INSR: variants seen among roughly 807,000 people sequenced by gnomAD.
INSR encodes IR.
INSR carries 67 observed loss-of-function variants against 142.6 expected under a neutral mutation model. The observed-to-expected ratio is 0.47, with a 90% CI of 0.39 to 0.58. The LOEUF is 0.58. Ranked by LOEUF, INSR falls within the 20% of genes least tolerant of loss-of-function variation. The pLI, the probability that INSR is intolerant of heterozygous loss-of-function variation, is 0.00. For synonymous variants in INSR, 756 were observed against 743.1 expected, an observed-to-expected ratio of 1.02 and a Z score of -0.28; for missense variants, 1,248 against 1,833.2, an observed-to-expected ratio of 0.68 and a Z score of 5.83.
intron 15 of INSR, among the ~76,000 whole-genome samples, chr19:7,128,115 C>T (rs756818110): frequency 2.0e-5 from 3 of 151,938 alleles, no homozygotes; most frequent in South Asian, 2.1e-4. Flanking sequence ...GCATGTGGCA[C>T]AAAATGTTCT....
chr19:7,125,147 G>C lies in INSR; in HGVS notation c.3258+136C>G, dbSNP rs991836525. Reference sequence around the variant, plus strand: ...GGAATGATCCCTCCTCACACCTCTAGGATGGGAAGCTTAGTGGAGTGAGGG... The same window carrying C: ...GGAATGATCCCTCCTCACACCTCTACGATGGGAAGCTTAGTGGAGTGAGGG... On this transcript the variant is annotated intron_variant, in intron 17 of 21. Coordinates refer to ENST00000302850, the MANE Select transcript of INSR (RefSeq NM_000208.4). The surrounding 1 kb of genome is among the most constrained non-coding windows in gnomAD (Gnocchi z 4.9). The C allele has an allele frequency of 9.5e-7, 1 of 1,049,128 alleles. No homozygotes were observed. The highest frequency in any genetic ancestry group is 1.6e-5 in the African/African-American group (1 of 63,976). The allele number at this position is 1,049,128 out of a possible 1,614,324, so 65.0% of individuals were successfully genotyped here.
Position 7,153,362 on chromosome 19 carries a change from ACAC to A in INSR, c.2030-438_2030-436del, listed in dbSNP as rs1568450015. 6.3e-4 allele frequency among the ~76,000 whole-genome samples: 48 copies of A among 76,068 alleles called. 2 individuals are homozygous for A. Among genetic ancestry groups the A allele is most frequent in the Middle Eastern group, 6.8e-3 (1 of 146 alleles). 49.9% of individuals were successfully genotyped at this position (76,068 alleles called of 152,430 possible). Reference sequence around the variant, plus strand: ...CCACACACCACAGACCACACACCACACACCCCACACACACCATACACGCACCAC... The same window carrying A: ...CCACACACCACAGACCACACACCACACCCACACACACCATACACGCACCAC... On this transcript the variant is annotated intron_variant, in intron 9 of 21. Transcript: ENST00000302850.
intron 11 of INSR, among the ~76,000 whole-genome samples, chr19:7,149,936 AGAAGGAAGGAAGGAAGGAAGGAAGGAAG>A (rs71177162): frequency 0.77 from 111,162 of 144,264 alleles, 43,718 homozygotes; most frequent in Non-Finnish European, 0.87. Flanking sequence ...AAAAAAAGAA[AGAAGGAAGGAAGGAAGGAAGGAAGGAAG>A]GAAGGAAGGA....
chr19:7,199,684 G>A (rs1974899194), intron 2 of INSR, among the ~76,000 whole-genome samples: 2 of 150,818 alleles, frequency 1.3e-5, no homozygotes, highest in Admixed American at 1.3e-4. Flanking sequence ...CAGGCGTGAG[G>A]AACCCAGCCT....
At chr19:7,134,079 T>C (rs1163782890) in intron 13 of INSR, among the ~76,000 whole-genome samples, 1 of 151,660 alleles carries the variant, frequency 6.6e-6, no homozygotes, top group African/African-American at 2.4e-5. Context: ...CTTGGGAGGC[T>C]GAGGCAGGAG....
At chr19:7,245,074 T>C (rs1190848772) in intron 2 of INSR, among the ~76,000 whole-genome samples, 1 of 151,754 alleles carries the variant, frequency 6.6e-6, no homozygotes, top group Non-Finnish European at 1.5e-5. Flanking sequence ...TAGCTGGGAC[T>C]ACAGGTGCCC....
intron 2 of INSR, among the ~76,000 whole-genome samples, chr19:7,197,734 GTGAT>G (rs1426763370): frequency 7.1e-6 from 1 of 140,360 alleles, no homozygotes; most frequent in Admixed American, 7.1e-5. Context: ...GTGTGTGTGT[GTGAT>G]TGGCAGGTTC....
Position 7,255,166 on chromosome 19 carries a change from G to A in INSR, c.652+12179C>T, listed in dbSNP as rs75843747. 2.5e-3 allele frequency among the ~76,000 whole-genome samples: 387 copies of A among 152,244 alleles called. 1 individual carries two copies. The highest frequency in any genetic ancestry group is 8.8e-3 in the African/African-American group (367 of 41,554). On this transcript the variant is annotated intron_variant, in intron 2 of 21. Transcript: ENST00000302850. ...GTCAACTGGTCTACCATCTTTCAGC[G>A]CAGCCTTGAACCCACCAAAACACTT... is the stretch of plus-strand genomic sequence containing the variant.
At chr19:7,151,162 C>CTCTTTCCTTTCTTTTCTT (rs1973337108) in intron 10 of INSR, among the ~76,000 whole-genome samples, 7 of 45,850 alleles carry the variant, frequency 1.5e-4, no homozygotes, top group Non-Finnish European at 3.8e-4. Flanking sequence ...TTCTTTCTTT[C>CTCTTTCCTTTCTTTTCTT]TCTTTCTTTC....
chr19:7,171,509 T>G (rs1004878155), intron 5 of INSR, among the ~76,000 whole-genome samples: 3 of 152,126 alleles, frequency 2.0e-5, no homozygotes, highest in African/African-American at 7.2e-5. Context: ...CTAGCTAGTT[T>G]GAGTTTCTGC....
At chr19:7,246,434 C>T (rs748752141) in intron 2 of INSR, among the ~76,000 whole-genome samples, 1 of 152,148 alleles carries the variant, frequency 6.6e-6, no homozygotes, top group South Asian at 2.1e-4. Context: ...AACCACCAGA[C>T]ATGTGAGTGA....
At chr19:7,239,519 C>A (rs1976273380) in intron 2 of INSR, among the ~76,000 whole-genome samples, 2 of 152,084 alleles carry the variant, frequency 1.3e-5, no homozygotes, top group African/African-American at 2.4e-5. Flanking sequence ...TCACAGCCAC[C>A]TTGGAGACCA....
chr19:7,166,338 T>C lies in INSR; in HGVS notation c.1677A>G (p.Val559=), dbSNP rs77792535. Residue 559 remains valine (V), a synonymous_variant, in exon 8 of 22, where the codon GTA becomes GTG. Transcript: ENST00000302850. This position sits in a 1 kb window ranked among gnomAD's most constrained non-coding sequence, Gnocchi z 4.1. ...TGGACCTCAGGGGTGGGTCAATGTC[T>C]ACCACCGTCCAACTGTTGGAACCAC... ...DACGSNSWTV[V]DIDPPLRSND... The C allele has an allele frequency of 1.9e-6, 3 of 1,614,084 alleles. No individual in the cohort carries two copies. The highest frequency in any genetic ancestry group is 1.3e-5 in the African/African-American group (1 of 75,012).
chr19:7,267,682 G>A lies in INSR; in HGVS notation c.315C>T (p.Asn105=). ...GTCGTGATCCCCGGATGACCGTGAG[G>A]TTGGGGAACAGGTCCTTCAGGCTCT... ...GLESLKDLFP[N]LTVIRGSRLF... is the part of the protein sequence containing the mutation. The change falls in exon 2 of 22, where the codon AAC becomes AAT. Residue 105 remains asparagine (N), a synonymous_variant. Coordinates refer to ENST00000302850, the MANE Select transcript of INSR (RefSeq NM_000208.4). This position sits in a 1 kb window ranked among gnomAD's most constrained non-coding sequence, Gnocchi z 6.3. The A allele has an allele frequency of 1.9e-6, 3 of 1,614,122 alleles. No individual in the cohort carries two copies. Among genetic ancestry groups the A allele is most frequent in the Non-Finnish European group, 2.5e-6 (3 of 1,180,020 alleles).
chr19:7,240,879 C>T (rs1976318748), intron 2 of INSR, among the ~76,000 whole-genome samples: 1 of 152,156 alleles, frequency 6.6e-6, no homozygotes, highest in African/African-American at 2.4e-5. Flanking sequence ...GTTTAGACCT[C>T]GTTCTCAGCC....
At chr19:7,206,931 G>C (rs752339618) in intron 2 of INSR, among the ~76,000 whole-genome samples, 2 of 152,068 alleles carry the variant, frequency 1.3e-5, no homozygotes, top group Non-Finnish European at 2.9e-5. Context: ...CACAGTAACA[G>C]AACACTCAAG....
chr19:7,290,134 G>T (rs770706621), intron 1 of INSR, among the ~76,000 whole-genome samples: 1 of 152,194 alleles, frequency 6.6e-6, no homozygotes, highest in Admixed American at 6.5e-5. Context: ...GCCAGACACC[G>T]TGGCTCATGC....
At chr19:7,197,007 C>A (rs973790810) in intron 2 of INSR, among the ~76,000 whole-genome samples, 1 of 152,162 alleles carries the variant, frequency 6.6e-6, no homozygotes, top group Non-Finnish European at 1.5e-5. Flanking sequence ...AGGTTCGAGT[C>A]CCCGGAGCCA....
chr19:7,282,173 T>C (rs2145239126), intron 1 of INSR, among the ~76,000 whole-genome samples: 1 of 152,100 alleles, frequency 6.6e-6, no homozygotes, highest in Admixed American at 6.6e-5. Context: ...AAGACCAGCC[T>C]GGCCAACATG....
Sources: gnomAD v4.1 joint callset for allele counts (sites outside exome capture counted in the v4.1 genomes callset) on GRCh38, gnomAD v4.1.1 for gene constraint, Gnocchi (gnomAD v3.1) non-coding constraint, MANE v1.5 for transcripts, NCBI Gene and HGNC (gene_info 2026-07-23, HGNC 2026-07-21) for gene names.